VPS13D: variants seen among roughly 807,000 people sequenced by gnomAD.
The protein encoded by VPS13D is vacuolar protein sorting 13 homolog D.
A neutral mutation model predicts 461.9 loss-of-function variants in VPS13D; 187 were observed. The observed-to-expected ratio is 0.40, with a 90% CI of 0.36 to 0.46. The LOEUF is 0.46. Ranked by LOEUF, VPS13D falls within the 20% of genes least tolerant of loss-of-function variation. The pLI, the probability that VPS13D is intolerant of heterozygous loss-of-function variation, is 0.60. For missense variants in VPS13D, 4,711 were observed against 5,364.9 expected (o/e 0.88, Z 3.81); for synonymous variants, 1,951 against 1,986.3 (o/e 0.98, Z 0.47).
intron 65 of VPS13D, among the ~76,000 whole-genome samples, chr1:12,449,213 A>G (rs1173732856): frequency 1.3e-5 from 2 of 151,160 alleles, no homozygotes; most frequent in Non-Finnish European, 1.5e-5. Context: ...AAATGCCTGT[A>G]TTGTTTTTAT....
At chr1:12,497,206 A>C in intron 67 of VPS13D, 1 of 210,302 alleles carries the variant, frequency 4.8e-6, no homozygotes, top group Non-Finnish European at 9.6e-6. Context: ...GCAGTCCTCT[A>C]AGGTAGGTGT....
At position 12,507,005 on chromosome 1, in the gene VPS13D, A is replaced by G. The variant is rs1448554916; in HGVS notation, c.12947A>G (p.His4316Arg). The G allele has an allele frequency of 1.9e-6, 3 of 1,614,140 alleles. No individual in the cohort carries two copies. Among genetic ancestry groups the G allele is most frequent in the Non-Finnish European group, 2.5e-6 (3 of 1,180,054 alleles). ...DLYHCLVSKD[H>R]GKVYVQVTKK... ...TACCACTGCCTTGTCTCCAAAGACC[A>G]TGGGAAGGTGTATGTGCAGGTGACC... The change falls in exon 69 of 70, where the codon CAT (histidine) becomes CGT (arginine). Residue 4316 changes from histidine to arginine, a missense_variant. Around this residue, in one of 3 missense-constraint regions of VPS13D, gnomAD observed 194 missense variants for 220.9 expected, o/e 0.88. Coordinates refer to ENST00000620676, the MANE Select transcript of VPS13D (RefSeq NM_015378.4). The surrounding 1 kb of genome is among the most constrained non-coding windows in gnomAD (Gnocchi z 5.3).
At chr1:12,500,105 A>C (rs1024941151) in intron 68 of VPS13D, 2 of 985,378 alleles carry the variant, frequency 2.0e-6, no homozygotes, top group African/African-American at 3.5e-5. Flanking sequence ...ATGGAGTGAA[A>C]ACCCCACGAA....
At chr1:12,388,701 G>GA (rs1644382188) in intron 60 of VPS13D, among the ~76,000 whole-genome samples, 1 of 152,030 alleles carries the variant, frequency 6.6e-6, no homozygotes, top group Non-Finnish European at 1.5e-5. Flanking sequence ...CAAACCTAAT[G>GA]GTATCAATTA....
chr1:12,496,936 C>T (rs559594711), intron 67 of VPS13D, among the ~76,000 whole-genome samples: 62 of 152,242 alleles, frequency 4.1e-4, no homozygotes, highest in African/African-American at 1.5e-3. Flanking sequence ...TTACCACGTC[C>T]CTCACCCTTT....
At chr1:12,326,169 G>A (rs1415136503) in intron 35 of VPS13D, among the ~76,000 whole-genome samples, 5 of 150,720 alleles carry the variant, frequency 3.3e-5, no homozygotes, top group African/African-American at 9.7e-5. Flanking sequence ...TAGTTCTCAT[G>A]TGTTCTTGGT....
intron 21 of VPS13D, among the ~76,000 whole-genome samples, chr1:12,285,049 C>T (rs1375751046): frequency 6.6e-6 from 1 of 152,104 alleles, no homozygotes; most frequent in African/African-American, 2.4e-5. Context: ...AGGGCTTTGC[C>T]TTGATTGATG....
chr1:12,400,295 T>C lies in VPS13D; in HGVS notation c.11749T>C (p.Phe3917Leu). 1 of 1,614,110 alleles carries C rather than the reference T, an allele frequency of 6.2e-7. No homozygotes were observed. Among genetic ancestry groups the C allele is most frequent in the African/African-American group, 1.3e-5 (1 of 75,024 alleles). The stretch of plus-strand genomic sequence containing the variant: ...AGCTGTGCAAGTCAACGCAGTGAAG[T>C]TCCCCAGTAAGAGTGCACTGACCAA... ...GPAVQVNAVK[F>L]PSKSALTNIY... The change falls in exon 61 of 70, where the codon TTC (phenylalanine) becomes CTC (leucine). Residue 3917 changes from phenylalanine to leucine, a missense_variant. Transcript: ENST00000620676.
intron 23 of VPS13D, among the ~76,000 whole-genome samples, chr1:12,291,678 T>C (rs1642136217): frequency 6.6e-6 from 1 of 152,166 alleles, no homozygotes; most frequent in Non-Finnish European, 1.5e-5. Context: ...TTCTGATTAT[T>C]AAAAGCCCTG....
intron 18 of VPS13D, among the ~76,000 whole-genome samples, chr1:12,274,001 G>A (rs1287432459): frequency 1.3e-5 from 2 of 151,920 alleles, no homozygotes; most frequent in Non-Finnish European, 2.9e-5. Context: ...TGAGCCATGT[G>A]GTAACTCTAT....
At chr1:12,293,771 A>G in intron 24 of VPS13D, 67 bp downstream of exon 24, 1 of 1,512,836 alleles carries the variant, frequency 6.6e-7, no homozygotes, top group Non-Finnish European at 8.9e-7. Context: ...TTAGGCCTCT[A>G]GAGATGAATC....
chr1:12,303,745 A>G (rs891212188), intron 25 of VPS13D, among the ~76,000 whole-genome samples: 1 of 152,214 alleles, frequency 6.6e-6, no homozygotes, highest in African/African-American at 2.4e-5. Flanking sequence ...GATGGGAACC[A>G]TGATGCTACG....
chr1:12,283,369 A>G lies in VPS13D; in HGVS notation c.5267A>G (p.Lys1756Arg). 3.1e-6 allele frequency: 5 copies of G among 1,614,194 alleles called. No homozygotes were observed. Among genetic ancestry groups the G allele is most frequent in the Non-Finnish European group, 4.2e-6 (5 of 1,180,034 alleles). ...AAAAAGCAAAAGGAAGTCCAAGACA[A>G]GGACTATCCCTTGACCCCACCTCCT... is the stretch of plus-strand genomic sequence containing the variant. Reference protein sequence around the residue: ...SRKKQKEVQDKDYPLTPPPSP... With the variant: ...SRKKQKEVQDRDYPLTPPPSP... Residue 1756 changes from lysine (K) to arginine (R), a missense_variant, in exon 21 of 70, where the codon AAG (lysine) becomes AGG (arginine). Around this residue, in one of 3 missense-constraint regions of VPS13D, gnomAD observed 4,411 missense variants for 4,937.8 expected, o/e 0.89. Coordinates refer to ENST00000620676, the MANE Select transcript of VPS13D (RefSeq NM_015378.4).
At chr1:12,235,704 C>T (rs1434574294) in intron 2 of VPS13D, among the ~76,000 whole-genome samples, 1 of 152,216 alleles carries the variant, frequency 6.6e-6, no homozygotes, top group African/African-American at 2.4e-5. Flanking sequence ...CTTTCCTATT[C>T]TCCTGGTTTT....
intron 2 of VPS13D, among the ~76,000 whole-genome samples, chr1:12,237,662 A>G (rs531075998): frequency 4.0e-5 from 6 of 149,334 alleles, no homozygotes; most frequent in African/African-American, 1.2e-4. Flanking sequence ...CTAAAAAAAA[A>G]AATAAATAAA....
intron 20 of VPS13D, among the ~76,000 whole-genome samples, chr1:12,281,916 C>T (rs1641796263): frequency 1.3e-5 from 2 of 148,714 alleles, no homozygotes; most frequent in South Asian, 2.1e-4. Context: ...GAGACAGGGT[C>T]TCACTCTGTG....
chr1:12,417,308 G>A (rs572034721), intron 65 of VPS13D, among the ~76,000 whole-genome samples: 2 of 152,312 alleles, frequency 1.3e-5, no homozygotes, highest in Non-Finnish European at 2.9e-5. Context: ...TCATTCTCCA[G>A]TATCTTGCAG....
At chr1:12,371,644 C>T (rs1011179297) in intron 54 of VPS13D, among the ~76,000 whole-genome samples, 1 of 152,136 alleles carries the variant, frequency 6.6e-6, no homozygotes, top group African/African-American at 2.4e-5. Flanking sequence ...CCACCCACCT[C>T]TGCCTCCCAA....
chr1:12,391,953 T>G (rs1644432279), intron 60 of VPS13D, among the ~76,000 whole-genome samples: 1 of 152,062 alleles, frequency 6.6e-6, no homozygotes, highest in Non-Finnish European at 1.5e-5. Context: ...CTCCTCCTCC[T>G]GGGCTCAAGT....
Sources: gnomAD v4.1 joint callset for allele counts (sites outside exome capture counted in the v4.1 genomes callset) on GRCh38, gnomAD v4.1.1 for gene constraint, gnomAD v4.1.1 regional missense constraint, Gnocchi (gnomAD v3.1) non-coding constraint, MANE v1.5 for transcripts, NCBI Gene and HGNC (gene_info 2026-07-23, HGNC 2026-07-21) for gene names.